Variants in NUP54 observed in about 807,000 individuals in gnomAD.
NUP54 encodes the protein nucleoporin 54, also known as nucleoporin p54.
NUP54 carries 27 observed loss-of-function variants against 66.4 expected under a neutral mutation model. The ratio of observed to expected loss-of-function variants is 0.41; its 90% CI spans 0.30 to 0.56. NUP54 has a LOEUF of 0.56. NUP54 is among the 20% of genes least tolerant of loss of function. The pLI is 0.34. For synonymous variants in NUP54, 206 were observed against 210.7 expected, an observed-to-expected ratio of 0.98 and a Z score of 0.19; for missense variants, 486 against 596.3, an observed-to-expected ratio of 0.82 and a Z score of 1.93.
rs1731028359 is a variant in NUP54 at position 76,136,133 on chromosome 4, AT to A, written c.522+52del. The A allele has an allele frequency of 5.0e-6, 6 of 1,211,422 alleles. No homozygotes were observed. In the South Asian group the frequency reaches 7.7e-5, roughly 16 times the overall value. The allele number at this position is 1,211,422 out of a possible 1,614,324, so 75.0% of individuals were successfully genotyped here. The stretch of plus-strand genomic sequence containing the variant: ...GTTATCTTGATATTAATCTAAATAT[AT>A]TTTCTGTTATACAAAATCTTCAACT... On this transcript the variant is annotated intron_variant, in intron 4 of 11. Coordinates refer to ENST00000264883, the MANE Select transcript of NUP54 (RefSeq NM_017426.4).
At chr4:76,134,066 T>C in intron 5 of NUP54, 109 bp downstream of exon 5, 3 of 696,208 alleles carry the variant, frequency 4.3e-6, no homozygotes, top group Non-Finnish European at 4.6e-6. Flanking sequence ...AGAAAAGGCA[T>C]TCTGCTCTGA....
rs374613073 is a variant in NUP54, at chr4:76,118,098, G to A, written c.1261C>T (p.Leu421=). The A allele has an allele frequency of 1.2e-6, 2 of 1,613,876 alleles. No individual in the cohort carries two copies. The highest frequency in any genetic ancestry group is 1.7e-6 in the Non-Finnish European group (2 of 1,179,912). The change falls in exon 10 of 12, where the codon CTA becomes TTA. Residue 421 remains leucine (L), a synonymous_variant. Coordinates refer to ENST00000264883, the MANE Select transcript of NUP54 (RefSeq NM_017426.4). ...ACCTTGAACTGAGTAGGTGCATTTA[G>A]TTCACCCTGAATCGTATCCAGCTGA... The part of the protein sequence containing the change: ...RVQLDTIQGE[L]NAPTQFKGRL...
At chr4:76,144,563 A>G in intron 1 of NUP54, 90 bp from the exon 2 acceptor site, 5 of 946,744 alleles carry the variant, frequency 5.3e-6, no homozygotes, top group Non-Finnish European at 7.6e-6. Context: ...ATTGCTACAT[A>G]TAAAATCAAA....
chr4:76,127,732 C>G (rs1178380220), intron 8 of NUP54, among the ~76,000 whole-genome samples: 1 of 151,802 alleles, frequency 6.6e-6, no homozygotes, highest in East Asian at 1.9e-4. Flanking sequence ...AGATGAGAAA[C>G]TAGAAGATAT....
chr4:76,148,007 G>C (rs931155082), intron 1 of NUP54: 9 of 381,688 alleles, frequency 2.4e-5, no homozygotes, highest in Non-Finnish European at 4.2e-5. Flanking sequence ...AAGGGGAGAG[G>C]GAAGCAACCT....
At chr4:76,143,759 A>G (rs1578696453) in intron 3 of NUP54, among the ~76,000 whole-genome samples, 1 of 152,316 alleles carries the variant, frequency 6.6e-6, no homozygotes, top group South Asian at 2.1e-4. Flanking sequence ...TCTGATGGGG[A>G]AGCAATTGGT....
intron 3 of NUP54, among the ~76,000 whole-genome samples, chr4:76,136,885 A>T (rs561093390): frequency 9.2e-5 from 14 of 152,330 alleles, no homozygotes; most frequent in African/African-American, 3.4e-4. Flanking sequence ...AAACTATAAA[A>T]TAATAAAATT....
intron 11 of NUP54, among the ~76,000 whole-genome samples, chr4:76,115,819 T>C (rs1314077200): frequency 6.6e-6 from 1 of 152,220 alleles, no homozygotes; most frequent in East Asian, 1.9e-4. Context: ...TATTCAAATA[T>C]AGATGACTAG....
chr4:76,122,956 A>T (rs1730298236), intron 9 of NUP54, among the ~76,000 whole-genome samples: 1 of 152,232 alleles, frequency 6.6e-6, no homozygotes, highest in Non-Finnish European at 1.5e-5. Context: ...AGCCAGTCAC[A>T]AAAGACCATA....
intron 3 of NUP54, among the ~76,000 whole-genome samples, chr4:76,137,796 G>A (rs868285623): frequency 1.3e-5 from 2 of 152,262 alleles, no homozygotes. Context: ...TATCTACCTA[G>A]AATTTATTTA....
chr4:76,144,277 G>A lies in NUP54; in HGVS notation c.167C>T (p.Thr56Ile). The A allele has an allele frequency of 6.2e-7, 1 of 1,612,878 alleles. No homozygotes were observed. Among genetic ancestry groups the A allele is most frequent in the South Asian group, 1.1e-5 (1 of 90,856 alleles). ...ACCAAATCCAAAACCTTTGTTCTGA[G>A]TACCACCAAAGAGTCCTTTGAATGA... ...NTGTTGLFGG[T>I]QNKGFGFGTG... Residue 56 changes from threonine to isoleucine, a missense_variant, in exon 3 of 12, where the codon ACT becomes ATT. By Grantham distance (89) the Thr-to-Ile change is moderately conservative. Transcript: ENST00000264883.
chr4:76,132,376 T>C, intron 6 of NUP54, 147 bp downstream of exon 6: 1 of 512,194 alleles, frequency 2.0e-6, no homozygotes, highest in Non-Finnish European at 3.3e-6. Context: ...ATACAAATAT[T>C]CAAAACTATT....
chr4:76,139,432 T>G (rs1339460630), intron 3 of NUP54, among the ~76,000 whole-genome samples: 1 of 149,692 alleles, frequency 6.7e-6, no homozygotes, highest in Non-Finnish European at 1.5e-5. Flanking sequence ...GAGATAAAGT[T>G]AAATAATATT....
At chr4:76,124,288 T>G (rs13126748) in intron 9 of NUP54, among the ~76,000 whole-genome samples, 181 of 152,268 alleles carry the variant, frequency 1.2e-3, no homozygotes, top group Non-Finnish European at 2.2e-3. Flanking sequence ...CCATTATGGT[T>G]ACACTCCTTT....
In NUP54 at chr4:76,127,229, G is replaced by A. The variant is rs928778486; in HGVS notation, c.1057-2473C>T. On this transcript the variant is annotated intron_variant, in intron 8 of 11. Transcript: ENST00000264883. Reference sequence around the variant, plus strand: ...GGGTGGATCACGAGGTCAGGAGATCGAGACCATCCTGGCTAACACGGTGAA... The same window carrying A: ...GGGTGGATCACGAGGTCAGGAGATCAAGACCATCCTGGCTAACACGGTGAA... Among the ~76,000 whole-genome samples the A allele has an allele frequency of 1.1e-4, 17 of 152,132 alleles. No individual in the cohort carries two copies. The East Asian group carries it at 1.9e-3, about 17-fold the overall frequency.
chr4:76,130,205 CT>C (rs1457204496), intron 8 of NUP54, among the ~76,000 whole-genome samples: 1 of 151,954 alleles, frequency 6.6e-6, no homozygotes, highest in South Asian at 2.1e-4. Context: ...TTGTCTTGAA[CT>C]CCTGATCTCA....
chr4:76,135,175 C>T (rs2109892221), intron 4 of NUP54, among the ~76,000 whole-genome samples: 1 of 152,214 alleles, frequency 6.6e-6, no homozygotes, highest in East Asian at 1.9e-4. Flanking sequence ...GTCTGTATCA[C>T]TTTATTGGTT....
chr4:76,144,177 T>A lies in NUP54; in HGVS notation c.267A>T (p.Gly89=). The A allele has an allele frequency of 6.2e-7, 1 of 1,614,102 alleles. No individual in the cohort carries two copies. Among genetic ancestry groups the A allele is most frequent in the Non-Finnish European group, 8.5e-7 (1 of 1,179,980 alleles). The change falls in exon 3 of 12, where the codon GGA becomes GGT. Residue 89 remains glycine (G), a synonymous_variant. Transcript: ENST00000264883. ...TTTGCTGCTGCTGCTGTGTATTAAA[T>A]CCTCCAAATCCCAGTCCAGTTCCCA... ...TGLGTGLGFG[G]FNTQQQQQTT...
chr4:76,119,294 G>A (rs9307078), intron 9 of NUP54, among the ~76,000 whole-genome samples: 29,239 of 151,872 alleles, frequency 0.19, 2,871 homozygotes, highest in East Asian at 0.36. Flanking sequence ...CTTTCTCCTT[G>A]CTCATCATAC....
Sources: allele counts gnomAD v4.1 joint callset (sites outside exome capture counted in the v4.1 genomes callset), GRCh38; gene constraint gnomAD v4.1.1; transcripts MANE v1.5; gene names NCBI Gene and HGNC (gene_info 2026-07-23, HGNC 2026-07-21).